The following DLK2 variants were observed in gnomAD, a reference collection of about 807,000 sequenced individuals.
The protein encoded by DLK2 is delta like non-canonical Notch ligand 2, also known as protein delta homolog 2.
A neutral mutation model predicts 31.3 loss-of-function variants in DLK2; 9 were observed. That is an observed-to-expected ratio of 0.29 (90% CI 0.17 to 0.50). The LOEUF (loss-of-function observed/expected upper bound fraction) is 0.50. Ranked by LOEUF, DLK2 falls within the 20% of genes least tolerant of loss-of-function variation. The pLI is 0.98. For synonymous variants in DLK2, 169 were observed against 201.2 expected, an observed-to-expected ratio of 0.84 and a Z score of 1.35; for missense variants, 387 against 526.1, an observed-to-expected ratio of 0.74 and a Z score of 2.59.
At position 43,454,589 on chromosome 6, in the gene DLK2, G is replaced by A. The variant is rs1187046850; in HGVS notation, c.77-115C>T. Reference sequence around the variant, plus strand: ...ACTGAGCGGACTCAACCCTAGGGCAGGACATAACACAGAAACTCATCCCAT... The same window carrying A: ...ACTGAGCGGACTCAACCCTAGGGCAAGACATAACACAGAAACTCATCCCAT... On this transcript the variant is annotated intron_variant, in intron 2 of 5. Coordinates refer to ENST00000372488, the MANE Select transcript of DLK2 (RefSeq NM_023932.4). 5 of 1,334,344 alleles carry A rather than the reference G, an allele frequency of 3.7e-6. No homozygotes were observed. The African/African-American group carries it at 7.3e-5, about 20-fold the overall frequency. The allele number at this position is 1,334,344 out of a possible 1,614,324, so 82.7% of individuals were successfully genotyped here.
intron 4 of DLK2, among the ~76,000 whole-genome samples, chr6:43,452,667 G>A (rs72857272): frequency 0.11 from 16,179 of 152,016 alleles, 1,020 homozygotes; most frequent in Non-Finnish European, 0.15. Context: ...AGCCGAGATC[G>A]CACCACTGCA....
At chr6:43,455,909 T>C (rs3734687), upstream of DLK2, 56,969 of 152,418 alleles carry the variant, frequency 0.37, 12,737 homozygotes, top group African/African-American at 0.63. Context: ...CATATAGATC[T>C]ATGCACACGC....
rs1783946565 is a variant in DLK2, at chr6:43,455,479, G to A, written c.-140C>T. ...GCCGAGGGGCCGTGAGGGAGCGCGGGGCCGCCCCTAGCTGGCCGCGGGGCC... is the reference window on the plus strand; with the variant it reads ...GCCGAGGGGCCGTGAGGGAGCGCGGAGCCGCCCCTAGCTGGCCGCGGGGCC... On this transcript the variant is annotated 5_prime_UTR_variant, in exon 1 of 6. Coordinates refer to ENST00000372488, the MANE Select transcript of DLK2 (RefSeq NM_023932.4). The A allele has an allele frequency of 2.0e-5, 3 of 150,412 alleles. No individual in the cohort carries two copies. In the South Asian group the frequency reaches 6.3e-4, roughly 31 times the overall value. The allele number at this position is 150,412 out of a possible 1,614,324, so 9.3% of individuals were successfully genotyped here.
chr6:43,452,209 G>A (rs530331479), intron 4 of DLK2, 125 bp from the exon 5 acceptor site: 5 of 1,378,408 alleles, frequency 3.6e-6, no homozygotes, highest in Non-Finnish European at 4.9e-6. Flanking sequence ...AGCCCAGGCT[G>A]GCGTGGTATG....
rs745919049 is a variant in DLK2, at chr6:43,452,986, T to C, written c.271+19A>G. The stretch of plus-strand genomic sequence containing the variant: ...GAACATGGGGTTCCCAACCAAAAGC[T>C]ACCCTTCCTCCCCCCTACCTTTGTC... On this transcript the variant is annotated intron_variant, in intron 4 of 5. Coordinates refer to ENST00000372488, the MANE Select transcript of DLK2 (RefSeq NM_023932.4). 19 of 1,613,676 alleles carry C rather than the reference T, an allele frequency of 1.2e-5. No homozygotes were observed. In the East Asian group the frequency reaches 3.8e-4, roughly 32 times the overall value.
intron 4 of DLK2, 132 bp from the exon 5 acceptor site, chr6:43,452,216 T>C: frequency 7.5e-7 from 1 of 1,326,654 alleles, no homozygotes; most frequent in Non-Finnish European, 1.0e-6. Context: ...GCTGGCGTGG[T>C]ATGCTAGGGA....
Position 43,454,837 on chromosome 6 carries a change from G to T in DLK2, c.-12C>A. The T allele has an allele frequency of 6.5e-7, 1 of 1,543,088 alleles. No individual in the cohort carries two copies. The highest frequency in any genetic ancestry group is 8.7e-7 in the Non-Finnish European group (1 of 1,150,228). On this transcript the variant is annotated 5_prime_UTR_variant, in exon 2 of 6. Coordinates refer to ENST00000372488, the MANE Select transcript of DLK2 (RefSeq NM_023932.4). ...CAGCCGCTGGGCATGGTCAGCGCCG[G>T]CCCCAGGAGGGACGGACGGATGGAC...
chr6:43,450,578 A>G lies in DLK2; in HGVS notation c.1113T>C (p.Arg371=), dbSNP rs1783652875. ...TCTTTCCAGGCTCAGGGGGCAAGTC[A>G]CGTGGCAGGGGGAGCCCTGCTGGCA... ...SMLPAGLPLP[R]DLPPEPGKTT... The change falls in exon 6 of 6, where the codon CGT becomes CGC. Residue 371 remains arginine (R), a synonymous_variant. Transcript: ENST00000372488. This position sits in a 1 kb window ranked among gnomAD's most constrained non-coding sequence, Gnocchi z 4.5. The G allele has an allele frequency of 6.3e-7, 1 of 1,580,318 alleles. No homozygotes were observed.
chr6:43,454,661 C>G (rs981588168), intron 2 of DLK2, 89 bp downstream of exon 2: 28 of 1,481,242 alleles, frequency 1.9e-5, no homozygotes, highest in Admixed American at 4.0e-5. Context: ...GTCGGAGCGA[C>G]TGCAGTGCCG....
chr6:43,452,922 A>G, intron 4 of DLK2, 83 bp downstream of exon 4: 2 of 1,569,650 alleles, frequency 1.3e-6, no homozygotes, highest in Non-Finnish European at 1.7e-6. Context: ...GACAAGGACA[A>G]AATAGGCACT....
chr6:43,453,814 A>G lies in DLK2; in HGVS notation c.140+597T>C, dbSNP rs1783869738. On this transcript the variant is annotated intron_variant, in intron 3 of 5. Transcript: ENST00000372488. The surrounding 1 kb of genome is among the most constrained non-coding windows in gnomAD (Gnocchi z 4.1). ...AAAAACAAAAAATAAAAATAAAAAC[A>G]AAAAAGGTCATCAGGACTATCCTCC... Among the ~76,000 whole-genome samples the G allele has an allele frequency of 6.6e-6, 1 of 152,098 alleles. No homozygotes were observed. Among genetic ancestry groups the G allele is most frequent in the Non-Finnish European group, 1.5e-5 (1 of 68,014 alleles).
In DLK2 at chr6:43,454,454, A is replaced by G; in HGVS notation, c.97T>C (p.Cys33Arg). 1 of 1,599,888 alleles carries G rather than the reference A, an allele frequency of 6.3e-7. No individual in the cohort carries two copies. Among genetic ancestry groups the G allele is most frequent in the Non-Finnish European group, 8.5e-7 (1 of 1,174,752 alleles). The part of the protein sequence containing the change: ...PVRADDCSSH[C>R]DLAHGCCAPD... ...GCACAGCAGCCGTGGGCCAGGTCAC[A>G]GTGGGAGCTGCAGTCATCGGCTGCA... The change falls in exon 3 of 6, where the codon TGT becomes CGT. Residue 33 changes from cysteine (C) to arginine (R), a missense_variant. Coordinates refer to ENST00000372488, the MANE Select transcript of DLK2 (RefSeq NM_023932.4).
intron 1 of DLK2, 36 bp from the exon 2 acceptor site, chr6:43,454,916 C>T: frequency 1.4e-6 from 2 of 1,475,922 alleles, no homozygotes; most frequent in Non-Finnish European, 9.0e-7. Flanking sequence ...CGGCCGGACG[C>T]GGAGATAGCG....
At chr6:43,452,853 C>A (rs1273519200) in intron 4 of DLK2, 152 bp downstream of exon 4, 3 of 1,169,150 alleles carry the variant, frequency 2.6e-6, no homozygotes, top group African/African-American at 3.1e-5. Flanking sequence ...TCAATTCAGA[C>A]AACATATAAA....
At chr6:43,455,622 GCCCGCCCCCACCCCCAT>G (rs1783954631), upstream of DLK2, 1 of 118,292 alleles carries the variant, frequency 8.5e-6, no homozygotes, top group African/African-American at 3.1e-5. Context: ...CAGGGGCGGA[GCCCGCCCCCACCCCCAT>G]CCCCCCCCCC....
chr6:43,450,676 G>C lies in DLK2; in HGVS notation c.1015C>G (p.Pro339Ala). 2 of 1,613,968 alleles carry C rather than the reference G, an allele frequency of 1.2e-6. No homozygotes were observed. The highest frequency in any genetic ancestry group is 8.5e-7 in the Non-Finnish European group (1 of 1,179,920). The change falls in exon 6 of 6, where the codon CCT becomes GCT. Residue 339 changes from proline (P) to alanine (A), a missense_variant. Transcript: ENST00000372488. The surrounding 1 kb of genome is among the most constrained non-coding windows in gnomAD (Gnocchi z 4.5). ...GGGGCAGGGTAGCAACAGGGTCCAG[G>C]GGGGCAGACACCCCGGCGCCAGGCC... The part of the protein sequence containing the change: ...LRAWRRGVCP[P>A]GPCCYPAPHY...
In DLK2 at chr6:43,450,435, G is replaced by A; in HGVS notation, c.*104C>T. On this transcript the variant is annotated 3_prime_UTR_variant, in exon 6 of 6. Coordinates refer to ENST00000372488, the MANE Select transcript of DLK2 (RefSeq NM_023932.4). This position sits in a 1 kb window ranked among gnomAD's most constrained non-coding sequence, Gnocchi z 4.5. ...ATAATATTTCTGGTGTGAGGCTGAG[G>A]TCTCCTCTGTGTGTGTACCCAAGCT... 7.8e-7 allele frequency: 1 copy of A among 1,288,592 alleles called. No individual in the cohort carries two copies. The highest frequency in any genetic ancestry group is 1.1e-6 in the Non-Finnish European group (1 of 949,348). The allele number at this position is 1,288,592 out of a possible 1,614,324, so 79.8% of individuals were successfully genotyped here.
intron 2 of DLK2, 49 bp downstream of exon 2, chr6:43,454,701 C>G (rs1271248626): frequency 7.2e-6 from 11 of 1,534,918 alleles, no homozygotes; most frequent in Non-Finnish European, 9.6e-6. Flanking sequence ...AACGTGCAAG[C>G]GAGGACGGCT....
Position 43,453,530 on chromosome 6 carries a change from C to T in DLK2, c.141-395G>A, listed in dbSNP as rs1398079566. ...ATCAGGGCCGGGGCGTGGTTGCTCACGCCTGTAATCCCAGCACTTTGGGAG... is the reference window on the plus strand; with the variant it reads ...ATCAGGGCCGGGGCGTGGTTGCTCATGCCTGTAATCCCAGCACTTTGGGAG... On this transcript the variant is annotated intron_variant, in intron 3 of 5. Coordinates refer to ENST00000372488, the MANE Select transcript of DLK2 (RefSeq NM_023932.4). The surrounding 1 kb of genome is among the most constrained non-coding windows in gnomAD (Gnocchi z 4.1). Among the ~76,000 whole-genome samples the T allele has an allele frequency of 4.6e-5, 7 of 152,192 alleles. No homozygotes were observed. The highest frequency in any genetic ancestry group is 2.1e-4 in the South Asian group (1 of 4,830).
Sources: allele counts gnomAD v4.1 joint callset (sites outside exome capture counted in the v4.1 genomes callset), GRCh38; gene constraint gnomAD v4.1.1; non-coding constraint Gnocchi (gnomAD v3.1); transcripts MANE v1.5; gene names NCBI Gene and HGNC (gene_info 2026-07-23, HGNC 2026-07-21).